Variants in ATP6V0E1 observed in about 807,000 individuals in gnomAD.
ATP6V0E1 encodes ATPase H+ transporting V0 subunit e1.
Under a neutral mutation model 11.6 loss-of-function variants are expected in ATP6V0E1, and 4 were observed. The observed-to-expected ratio is 0.35, with a 90% CI of 0.17 to 0.79. The LOEUF (loss-of-function observed/expected upper bound fraction) is 0.79. Among genes scored for constraint, ATP6V0E1 ranks in the 30% least tolerant of loss-of-function variants. The probability of loss-of-function intolerance (pLI) is 0.54; values close to 1 mark genes in which losing one functional copy is unlikely to be tolerated. For missense variants in ATP6V0E1, 105 were observed against 100.0 expected (o/e 1.05, Z -0.21); for synonymous variants, 36 against 34.8 (o/e 1.04, Z -0.13).
chr5:173,001,810 C>G (rs1180350132), intron 2 of ATP6V0E1, among the ~76,000 whole-genome samples: 1 of 151,746 alleles, frequency 6.6e-6, no homozygotes, highest in African/African-American at 2.4e-5. Flanking sequence ...CCTCTGCCAC[C>G]CAGTTTCAAG....
chr5:172,991,009 A>G lies in ATP6V0E1; in HGVS notation c.105-3766A>G, dbSNP rs931250806. 2.6e-5 allele frequency among the ~76,000 whole-genome samples: 4 copies of G among 152,030 alleles called. No individual in the cohort carries two copies. In the East Asian group the frequency reaches 7.7e-4, roughly 29 times the overall value. ...CCTGCGTTGCCAAGGCCTCGAGTGC[A>G]GTAGCGTGCTCATATCTCACTACAG... On this transcript the variant is annotated intron_variant, in intron 1 of 3. Transcript: ENST00000519374.
chr5:173,020,139 T>G, intron 2 of ATP6V0E1, 99 bp from the exon 3 acceptor site: 1 of 917,832 alleles, frequency 1.1e-6, no homozygotes. Context: ...ATGCAGTAGA[T>G]TTAAGTTTTG....
Position 173,006,948 on chromosome 5 carries a change from A to T in ATP6V0E1, c.152+12126A>T, listed in dbSNP as rs960883601. On this transcript the variant is annotated intron_variant, in intron 2 of 3. Coordinates refer to ENST00000519374, the MANE Select transcript of ATP6V0E1 (RefSeq NM_003945.4). ...AGTTTATTTTTCTTAGTCTGACTTT[A>T]TAATTGTTTCCTTTATAATTTGGCA... Among the ~76,000 whole-genome samples, 55 of 152,112 alleles carry T rather than the reference A, an allele frequency of 3.6e-4. 1 individual carries two copies. The highest frequency in any genetic ancestry group is 1.3e-3 in the African/African-American group (54 of 41,410).
chr5:173,026,912 C>T (rs1178079452), intron 3 of ATP6V0E1, among the ~76,000 whole-genome samples: 1 of 152,114 alleles, frequency 6.6e-6, no homozygotes, highest in African/African-American at 2.4e-5. Flanking sequence ...CGTGTTGGCT[C>T]ATGCCTGTAA....
Position 173,015,196 on chromosome 5 carries a change from A to G in ATP6V0E1, c.153-5042A>G, listed in dbSNP as rs143901126. The stretch of plus-strand genomic sequence containing the variant: ...GATTCCTGGTCTAGGATCTACTACT[A>G]CCTAATTAGCATTGTGACCATAGGC... On this transcript the variant is annotated intron_variant, in intron 2 of 3. Coordinates refer to ENST00000519374, the MANE Select transcript of ATP6V0E1 (RefSeq NM_003945.4). Among the ~76,000 whole-genome samples the G allele has an allele frequency of 1.9e-4, 29 of 152,278 alleles. No individual in the cohort carries two copies. The East Asian group carries it at 3.1e-3, about 16-fold the overall frequency.
Position 173,011,717 on chromosome 5 carries a change from A to AAGTT in ATP6V0E1, c.153-8520_153-8519insGTTA, listed in dbSNP as rs879425876. On this transcript the variant is annotated intron_variant, in intron 2 of 3. Transcript: ENST00000519374. ...CCATAGCTGCCTCAATTGTTTGAATAATCTCAGATTGGTTATTAAGGCTGG... is the reference window on the plus strand; with the variant it reads ...CCATAGCTGCCTCAATTGTTTGAATAAGTTATCTCAGATTGGTTATTAAGGCTGG... 3.7e-3 allele frequency among the ~76,000 whole-genome samples: 564 copies of AAGTT among 152,288 alleles called. 2 individuals carry two copies. The highest frequency in any genetic ancestry group is 0.013 in the African/African-American group (540 of 41,556).
intron 3 of ATP6V0E1, among the ~76,000 whole-genome samples, chr5:173,027,858 G>T (rs184905205): frequency 6.6e-6 from 1 of 152,256 alleles, no homozygotes; most frequent in East Asian, 1.9e-4. Flanking sequence ...GGGGTTCAAA[G>T]CTGAGAACTT....
At position 173,027,306 on chromosome 5, in the gene ATP6V0E1, T is replaced by C. The variant is rs938751737; in HGVS notation, c.*36+6939T>C. On this transcript the variant is annotated intron_variant, in intron 3 of 3. Transcript: ENST00000519374. ...ATCGAGACCATCCTGGCTAACACGG[T>C]GAAACCCTGTCTCTACTAAAAAAAA... Among the ~76,000 whole-genome samples the C allele has an allele frequency of 5.6e-5, 7 of 125,052 alleles. No individual in the cohort carries two copies. In the South Asian group the frequency reaches 1.7e-3, roughly 30 times the overall value. The allele number at this position is 125,052 out of a possible 152,430, so 82.0% of individuals were successfully genotyped here.
In ATP6V0E1 at chr5:172,986,464, T is replaced by A. The variant is rs541177981; in HGVS notation, c.104+2500T>A. On this transcript the variant is annotated intron_variant, in intron 1 of 3. Coordinates refer to ENST00000519374, the MANE Select transcript of ATP6V0E1 (RefSeq NM_003945.4). ...AGCGAGACCTTATCTCTGAAAAAAA[T>A]TTTTTTTAATTAGTTGGGTATGGTG... Among the ~76,000 whole-genome samples the A allele has an allele frequency of 1.2e-3, 185 of 151,412 alleles. 1 individual carries two copies. Among genetic ancestry groups the A allele is most frequent in the African/African-American group, 4.0e-3 (164 of 41,232 alleles).
intron 3 of ATP6V0E1, among the ~76,000 whole-genome samples, chr5:173,024,346 A>T (rs996582503): frequency 4.6e-5 from 7 of 150,978 alleles, no homozygotes; most frequent in African/African-American, 1.7e-4. Context: ...ATTTTAAATA[A>T]TTATATTTTT....
chr5:173,002,858 G>T (rs543862021), intron 2 of ATP6V0E1, among the ~76,000 whole-genome samples: 1 of 151,776 alleles, frequency 6.6e-6, no homozygotes, highest in Non-Finnish European at 1.5e-5. Context: ...TGGAGGGAGG[G>T]CTTTCTGCAA....
In ATP6V0E1 at chr5:173,020,342, A is replaced by C. The variant is rs1344872408; in HGVS notation, c.*11A>C. The C allele has an allele frequency of 3.8e-6, 6 of 1,592,254 alleles. No individual in the cohort carries two copies. In the South Asian group the frequency reaches 6.6e-5, roughly 18 times the overall value. ...TATCATTGGCCTTGAGGAAGAAGAC[A>C]TGCTCTACAGTGCTCAGTCTTTGAG... On this transcript the variant is annotated 3_prime_UTR_variant, in exon 3 of 4. Transcript: ENST00000519374.
At chr5:173,010,402 A>G (rs1381352794) in intron 2 of ATP6V0E1, among the ~76,000 whole-genome samples, 2 of 152,178 alleles carry the variant, frequency 1.3e-5, no homozygotes, top group African/African-American at 4.8e-5. Flanking sequence ...CACTTTACTT[A>G]TATTATCTCT....
intron 2 of ATP6V0E1, among the ~76,000 whole-genome samples, chr5:173,000,535 T>A (rs1268798876): frequency 6.6e-6 from 1 of 152,138 alleles, no homozygotes; most frequent in Non-Finnish European, 1.5e-5. Flanking sequence ...GGCATCATGA[T>A]ATAGGAAAAT....
At chr5:173,001,775 A>G (rs963454817) in intron 2 of ATP6V0E1, among the ~76,000 whole-genome samples, 1 of 148,668 alleles carries the variant, frequency 6.7e-6, no homozygotes, top group African/African-American at 2.5e-5. Flanking sequence ...CTAGAGTGCA[A>G]TGGCTGGATC....
At chr5:173,019,891 G>A (rs1388627494) in intron 2 of ATP6V0E1, among the ~76,000 whole-genome samples, 1 of 152,192 alleles carries the variant, frequency 6.6e-6, no homozygotes, top group Non-Finnish European at 1.5e-5. Context: ...GTTGGAAGTT[G>A]TGATGATGAT....
intron 1 of ATP6V0E1, among the ~76,000 whole-genome samples, chr5:172,984,901 G>A (rs1242651898): frequency 6.6e-6 from 1 of 152,168 alleles, no homozygotes; most frequent in Admixed American, 6.5e-5. Flanking sequence ...ATGCACAGGA[G>A]GCACCCAATA....
intron 2 of ATP6V0E1, among the ~76,000 whole-genome samples, chr5:172,996,952 C>T (rs79053198): frequency 2.8e-5 from 4 of 145,390 alleles, no homozygotes; most frequent in East Asian, 4.0e-4. Flanking sequence ...GGAATTTTTT[C>T]TTTTTTTTTT....
chr5:173,030,476 T>C (rs376699520), intron 3 of ATP6V0E1, among the ~76,000 whole-genome samples: 25 of 150,514 alleles, frequency 1.7e-4, no homozygotes, highest in African/African-American at 5.9e-4. Flanking sequence ...AGTCTCACTC[T>C]GTTGCCCAGG....
Sources: allele counts gnomAD v4.1 joint callset (sites outside exome capture counted in the v4.1 genomes callset), GRCh38; gene constraint gnomAD v4.1.1; transcripts MANE v1.5; gene names NCBI Gene and HGNC (gene_info 2026-07-23, HGNC 2026-07-21).